CALN1: variants seen among roughly 807,000 people sequenced by gnomAD.
CALN1 encodes calneuron 1, also known as calcium-binding protein 8.
CALN1 carries 17 observed loss-of-function variants against 30.6 expected under a neutral mutation model. The observed-to-expected ratio is 0.56, with a 90% CI of 0.38 to 0.83. The LOEUF is 0.83. CALN1 is among the 40% of genes least tolerant of loss of function. The pLI is 0.00. For synonymous variants in CALN1, 156 were observed against 131.4 expected (o/e 1.19, Z -1.28); for missense variants, 291 against 354.9 (o/e 0.82, Z 1.45).
At chr7:72,336,878 TCGCTGCCGC>T (rs1005042195) in intron 2 of CALN1, 3 of 984,686 alleles carry the variant, frequency 3.0e-6, no homozygotes, top group Non-Finnish European at 3.6e-6. Flanking sequence ...GCCGGCATCC[TCGCTGCCGC>T]CGGCTCCCTC....
chr7:71,862,846 G>C (rs1203072912), intron 5 of CALN1, among the ~76,000 whole-genome samples: 1 of 152,168 alleles, frequency 6.6e-6, no homozygotes, highest in Non-Finnish European at 1.5e-5. Flanking sequence ...CAGAAATTCA[G>C]GAGACAGGGC....
intron 3 of CALN1, among the ~76,000 whole-genome samples, chr7:72,174,640 C>T (rs1789206197): frequency 6.6e-6 from 1 of 152,012 alleles, no homozygotes; most frequent in South Asian, 2.1e-4. Context: ...GAGAAAGAAG[C>T]CAGACACAAG....
chr7:72,358,160 T>G (rs557635852), intron 2 of CALN1, among the ~76,000 whole-genome samples: 2 of 151,850 alleles, frequency 1.3e-5, no homozygotes, highest in Admixed American at 6.5e-5. Flanking sequence ...CCTAACTAAT[T>G]TTTTAATCTT....
intron 3 of CALN1, among the ~76,000 whole-genome samples, chr7:72,257,228 C>A (rs1473591316): frequency 2.0e-5 from 3 of 152,138 alleles, no homozygotes; most frequent in Non-Finnish European, 4.4e-5. Context: ...CCCCCATTAT[C>A]CAATCACCTT....
intron 5 of CALN1, among the ~76,000 whole-genome samples, chr7:71,880,055 A>G (rs917911596): frequency 3.9e-5 from 6 of 152,120 alleles, no homozygotes; most frequent in Non-Finnish European, 5.9e-5. Context: ...GAAGATCATT[A>G]AAGCCCGGGA....
the CALN1 span, among the ~76,000 whole-genome samples, chr7:72,481,547 AAGGTGGAAGCTT>A: frequency 3.5e-4 from 54 of 152,274 alleles, 1 homozygote; most frequent in Middle Eastern, 3.4e-3. Flanking sequence ...CTAGTGTCTC[AAGGTGGAAGCTT>A]AGGTTATTTA....
chr7:71,895,775 A>C (rs1485540054), intron 5 of CALN1, among the ~76,000 whole-genome samples: 5 of 152,234 alleles, frequency 3.3e-5, no homozygotes, highest in Non-Finnish European at 7.3e-5. Flanking sequence ...GATTCCTTCC[A>C]GTCATTCATT....
upstream of CALN1, among the ~76,000 whole-genome samples, chr7:72,414,393 C>G (rs1807357185): frequency 1.3e-5 from 2 of 152,174 alleles, no homozygotes; most frequent in Non-Finnish European, 1.5e-5. Context: ...AGTGGCTTCC[C>G]AGGGTCACAC....
chr7:72,357,301 T>C (rs907770180), intron 2 of CALN1, among the ~76,000 whole-genome samples: 4 of 151,940 alleles, frequency 2.6e-5, no homozygotes, highest in African/African-American at 7.3e-5. Flanking sequence ...GATCTGGCGA[T>C]GTGGTTGGAC....
chr7:71,855,220 C>T (rs1300575480), intron 5 of CALN1, among the ~76,000 whole-genome samples: 1 of 152,150 alleles, frequency 6.6e-6, no homozygotes, highest in Non-Finnish European at 1.5e-5. Flanking sequence ...GGCAGCATTA[C>T]CCGAGTGCTG....
intron 3 of CALN1, among the ~76,000 whole-genome samples, chr7:72,250,720 C>T (rs553678353): frequency 1.3e-5 from 2 of 152,096 alleles, no homozygotes; most frequent in South Asian, 2.1e-4. Context: ...CGCTTACTCC[C>T]CCTCTTGCGA....
At chr7:71,998,272 A>G (rs1261363763) in intron 5 of CALN1, among the ~76,000 whole-genome samples, 1 of 152,156 alleles carries the variant, frequency 6.6e-6, no homozygotes, top group Admixed American at 6.5e-5. Context: ...ACAGAAAAGA[A>G]ATGGGAAGAG....
At chr7:72,154,111 G>T (rs1247665609) in intron 3 of CALN1, among the ~76,000 whole-genome samples, 1 of 152,020 alleles carries the variant, frequency 6.6e-6, no homozygotes, top group Non-Finnish European at 1.5e-5. Context: ...AAAGCCTCAG[G>T]CTAGATCACA....
Position 72,309,539 on chromosome 7 carries a change from A to G in CALN1, c.120-30729T>C, listed in dbSNP as rs1452682294. On this transcript the variant is annotated intron_variant, in intron 2 of 6. Coordinates refer to ENST00000395275, the MANE Select transcript of CALN1 (RefSeq NM_031468.4). ...GCTCACAAGGGTTACACGGGACTCA[A>G]GGAACGGCAACATGCGTGACCAAGG... 2.6e-5 allele frequency among the ~76,000 whole-genome samples: 4 copies of G among 152,144 alleles called. No homozygotes were observed. In the East Asian group the frequency reaches 7.7e-4, roughly 29 times the overall value.
chr7:72,278,779 C>T lies in CALN1; in HGVS notation c.151G>A (p.Gly51Ser), dbSNP rs376370628. The T allele has an allele frequency of 4.3e-5, 69 of 1,613,624 alleles. No homozygotes were observed. The highest frequency in any genetic ancestry group is 5.3e-5 in the Non-Finnish European group (63 of 1,179,732). Reference sequence around the variant, plus strand: ...AGGTAATTCCCCTTGTACAACAAGCCGGCGGTCACATGGTGGAACGGCATC... The same window carrying T: ...AGGTAATTCCCCTTGTACAACAAGCTGGCGGTCACATGGTGGAACGGCATC... ...EKMPFHHVTA[G>S]LLYKGNYLNR... Residue 51 changes from glycine (G) to serine (S), a missense_variant, in exon 3 of 7, where the codon GGC (glycine) becomes AGC (serine). Transcript: ENST00000395275.
intron 3 of CALN1, among the ~76,000 whole-genome samples, chr7:72,224,332 A>G (rs1465200886): frequency 1.3e-5 from 2 of 152,228 alleles, no homozygotes; most frequent in African/African-American, 4.8e-5. Context: ...ACAAGGAAAT[A>G]GCATTCCTTC....
At chr7:71,818,703 TA>T (rs1462137457) in intron 5 of CALN1, among the ~76,000 whole-genome samples, 4 of 149,400 alleles carry the variant, frequency 2.7e-5, no homozygotes, top group Non-Finnish European at 5.9e-5. Flanking sequence ...TTTATTTATT[TA>T]TTTATTTATT....
chr7:72,311,393 T>C (rs1191369639), intron 2 of CALN1, among the ~76,000 whole-genome samples: 1 of 151,736 alleles, frequency 6.6e-6, no homozygotes, highest in East Asian at 1.9e-4. Context: ...TTGGGGGGAG[T>C]CAAAAGTTAT....
chr7:71,827,862 T>C (rs114560155), intron 5 of CALN1, among the ~76,000 whole-genome samples: 2,907 of 151,866 alleles, frequency 0.019, 101 homozygotes, highest in African/African-American at 0.066. Context: ...AGGAGGAACA[T>C]AGAGGAGGCA....
Sources: gnomAD v4.1 joint callset for allele counts (sites outside exome capture counted in the v4.1 genomes callset) on GRCh38, gnomAD v4.1.1 for gene constraint, MANE v1.5 for transcripts, NCBI Gene and HGNC (gene_info 2026-07-23, HGNC 2026-07-21) for gene names.